Variants in LRRC1 observed in about 807,000 individuals in gnomAD.
LRRC1 encodes leucine rich repeat containing 1, also known as leucine-rich repeat-containing protein 1.
LRRC1 carries 28 observed loss-of-function variants against 69.9 expected under a neutral mutation model. The observed-to-expected ratio is 0.40, with a 90% CI of 0.30 to 0.55. The LOEUF (loss-of-function observed/expected upper bound fraction) is 0.55. Among genes scored for constraint, LRRC1 ranks in the 20% least tolerant of loss-of-function variants. The pLI, the probability that LRRC1 is intolerant of heterozygous loss-of-function variation, is 0.47. For missense variants in LRRC1, 498 were observed against 609.0 expected (o/e 0.82, Z 1.92); for synonymous variants, 236 against 240.2 (o/e 0.98, Z 0.16).
chr6:53,865,444 C>T (rs554359173), intron 2 of LRRC1, among the ~76,000 whole-genome samples: 6 of 152,204 alleles, frequency 3.9e-5, no homozygotes, highest in Non-Finnish European at 7.4e-5. Context: ...AATGTCTGTG[C>T]AGAAGGTTGT....
chr6:53,862,525 G>C (rs907514217), intron 2 of LRRC1, among the ~76,000 whole-genome samples: 1 of 152,170 alleles, frequency 6.6e-6, no homozygotes, highest in Non-Finnish European at 1.5e-5. Flanking sequence ...GGGAGGAAAA[G>C]CTGAGGTATA....
At chr6:53,907,654 C>T (rs1226623110) in intron 10 of LRRC1, among the ~76,000 whole-genome samples, 1 of 151,636 alleles carries the variant, frequency 6.6e-6, no homozygotes, top group East Asian at 1.9e-4. Flanking sequence ...CATTCTGCTT[C>T]TTAAATGCAT....
At chr6:53,887,355 C>T (rs1767520828) in intron 4 of LRRC1, among the ~76,000 whole-genome samples, 2 of 152,120 alleles carry the variant, frequency 1.3e-5, no homozygotes, top group Admixed American at 6.5e-5. Flanking sequence ...TTTTTAATAA[C>T]ATTTCCAACA....
At chr6:53,877,173 T>A (rs1767100583) in intron 2 of LRRC1, among the ~76,000 whole-genome samples, 1 of 152,216 alleles carries the variant, frequency 6.6e-6, no homozygotes, top group South Asian at 2.1e-4. Context: ...GCTTCCACCC[T>A]CTGAAGCAAC....
chr6:53,806,242 A>C (rs922336493), intron 1 of LRRC1, among the ~76,000 whole-genome samples: 4 of 152,100 alleles, frequency 2.6e-5, no homozygotes, highest in African/African-American at 9.7e-5. Flanking sequence ...TTTTCTTTGC[A>C]TTCCTGCTGC....
intron 1 of LRRC1, among the ~76,000 whole-genome samples, chr6:53,820,746 G>A (rs1581852634): frequency 2.0e-5 from 3 of 152,030 alleles, no homozygotes; most frequent in African/African-American, 7.3e-5. Flanking sequence ...AGATATAGAA[G>A]TCCCTTAGAA....
chr6:53,893,414 A>G (rs1767766451), intron 4 of LRRC1, among the ~76,000 whole-genome samples: 1 of 152,142 alleles, frequency 6.6e-6, no homozygotes, highest in Admixed American at 6.5e-5. Context: ...GAGTCTGATT[A>G]TAATATCCAA....
In LRRC1 at chr6:53,920,626, G is replaced by T. The variant is rs769341733; in HGVS notation, c.1281G>T (p.Glu427Asp). The change falls in exon 13 of 14, where the codon GAG becomes GAT. Residue 427 changes from glutamate (E) to aspartate (D), a missense_variant and splice_region_variant. Around this residue, in one of 3 missense-constraint regions of LRRC1, gnomAD observed 162 missense variants for 162.9 expected, o/e 0.99. Coordinates refer to ENST00000370888, the MANE Select transcript of LRRC1 (RefSeq NM_018214.5). ...PQLPSEPTCQENLPRCGALEN... is the reference protein window; with the variant it reads ...PQLPSEPTCQDNLPRCGALEN... ...CTTATGTGGTCTTTGTCACTGCAGA[G>T]AATCTGCCTCGCTGTGGTGCACTGG... 1.2e-6 allele frequency: 2 copies of T among 1,614,166 alleles called. No individual in the cohort carries two copies. Among genetic ancestry groups the T allele is most frequent in the Non-Finnish European group, 8.5e-7 (1 of 1,180,006 alleles).
At chr6:53,911,940 G>A (rs1768425508) in intron 10 of LRRC1, among the ~76,000 whole-genome samples, 1 of 152,168 alleles carries the variant, frequency 6.6e-6, no homozygotes, top group African/African-American at 2.4e-5. Flanking sequence ...ACACTATATT[G>A]GGGCTTGATG....
At chr6:53,873,765 C>T (rs985394393) in intron 2 of LRRC1, among the ~76,000 whole-genome samples, 2 of 152,138 alleles carry the variant, frequency 1.3e-5, no homozygotes, top group African/African-American at 4.8e-5. Flanking sequence ...AGTATGGATG[C>T]CCTTTATTCC....
At chr6:53,859,659 C>G (rs1178467606) in intron 2 of LRRC1, among the ~76,000 whole-genome samples, 3 of 151,986 alleles carry the variant, frequency 2.0e-5, no homozygotes, top group African/African-American at 7.3e-5. Flanking sequence ...GATTACCAGG[C>G]CATTGTGACA....
intron 1 of LRRC1, among the ~76,000 whole-genome samples, chr6:53,823,199 A>G (rs997582322): frequency 6.6e-6 from 1 of 152,178 alleles, no homozygotes; most frequent in Non-Finnish European, 1.5e-5. Flanking sequence ...TTTGAATTTA[A>G]AAAGAAAATA....
At chr6:53,883,569 A>G (rs952006047) in intron 4 of LRRC1, among the ~76,000 whole-genome samples, 1 of 152,344 alleles carries the variant, frequency 6.6e-6, no homozygotes, top group Middle Eastern at 3.4e-3. Flanking sequence ...ATTGAAGACA[A>G]TGTATGCTGG....
At chr6:53,861,679 G>C (rs1450242881) in intron 2 of LRRC1, among the ~76,000 whole-genome samples, 1 of 152,048 alleles carries the variant, frequency 6.6e-6, no homozygotes. Flanking sequence ...CTGGGCCAAA[G>C]GGCTTCTCCT....
intron 1 of LRRC1, among the ~76,000 whole-genome samples, chr6:53,806,525 G>A (rs1300982544): frequency 6.6e-6 from 1 of 152,070 alleles, no homozygotes; most frequent in Admixed American, 6.6e-5. Context: ...TGTGACCTTG[G>A]GCGGATCACA....
Position 53,822,915 on chromosome 6 carries a change from C to T in LRRC1, c.160-19195C>T, listed in dbSNP as rs191178957. Reference sequence around the variant, plus strand: ...AGTCCAGTTAAGGTGTAAGCCCTCCCGCGTCCTGGAAAGGGTTGTCAGAGC... The same window carrying T: ...AGTCCAGTTAAGGTGTAAGCCCTCCTGCGTCCTGGAAAGGGTTGTCAGAGC... On this transcript the variant is annotated intron_variant, in intron 1 of 13. Transcript: ENST00000370888. Among the ~76,000 whole-genome samples the T allele has an allele frequency of 3.1e-3, 471 of 152,296 alleles. 5 individuals are homozygous for T. Among genetic ancestry groups the T allele is most frequent in the African/African-American group, 0.011 (437 of 41,556 alleles).
chr6:53,914,016 A>G, intron 11 of LRRC1, 47 bp downstream of exon 11: 1 of 1,312,166 alleles, frequency 7.6e-7, no homozygotes, highest in South Asian at 1.2e-5. Context: ...AAATATACAT[A>G]CATCCCAATC....
chr6:53,807,623 T>G (rs775989730), intron 1 of LRRC1, among the ~76,000 whole-genome samples: 4 of 152,142 alleles, frequency 2.6e-5, no homozygotes, highest in Non-Finnish European at 4.4e-5. Flanking sequence ...CGCATGCCTG[T>G]AATCCCAGCT....
chr6:53,868,423 C>A (rs990446510), intron 2 of LRRC1, among the ~76,000 whole-genome samples: 1 of 152,112 alleles, frequency 6.6e-6, no homozygotes, highest in African/African-American at 2.4e-5. Context: ...TGGGGTTTCC[C>A]CATGTTGGCC....
Sources: allele counts gnomAD v4.1 joint callset (sites outside exome capture counted in the v4.1 genomes callset), GRCh38; gene constraint gnomAD v4.1.1; regional missense constraint gnomAD v4.1.1; transcripts MANE v1.5; gene names NCBI Gene and HGNC (gene_info 2026-07-23, HGNC 2026-07-21).